Variants in PAPPA observed in about 807,000 individuals in gnomAD.
PAPPA encodes the protein pappalysin 1, also known as pappalysin-1.
Under a neutral mutation model 164.0 loss-of-function variants are expected in PAPPA, and 60 were observed. The observed-to-expected ratio is 0.37, with a 90% CI of 0.30 to 0.45. The LOEUF (loss-of-function observed/expected upper bound fraction) is 0.45. PAPPA is among the 20% of genes least tolerant of loss of function. The pLI, the probability that PAPPA is intolerant of heterozygous loss-of-function variation, is 1.00. For synonymous variants in PAPPA, 875 were observed against 814.1 expected (o/e 1.07, Z -1.27); for missense variants, 1,782 against 2,087.3 (o/e 0.85, Z 2.85).
intron 1 of PAPPA, among the ~76,000 whole-genome samples, chr9:116,167,383 T>A (rs1034992915): frequency 7.2e-5 from 11 of 152,226 alleles, no homozygotes; most frequent in Non-Finnish European, 2.9e-5. Context: ...TTTTATTAAG[T>A]ATTATATTTT....
At chr9:116,291,394 T>C (rs1845434012) in intron 9 of PAPPA, among the ~76,000 whole-genome samples, 1 of 152,194 alleles carries the variant, frequency 6.6e-6, no homozygotes, top group African/African-American at 2.4e-5. Context: ...CCCCCTAATA[T>C]GTGCTTGGAT....
At position 116,252,058 on chromosome 9, in the gene PAPPA, A is replaced by G. The variant is rs542789274; in HGVS notation, c.2733-13799A>G. 9.2e-5 allele frequency among the ~76,000 whole-genome samples: 14 copies of G among 152,352 alleles called. No individual in the cohort carries two copies. The South Asian group carries it at 2.9e-3, about 32-fold the overall frequency. ...GGTAAAAGATGATTAAAACAAAATA[A>G]CAAAGGCCTTGGCTGCAAACTGTTA... On this transcript the variant is annotated intron_variant, in intron 7 of 21. Coordinates refer to ENST00000328252, the MANE Select transcript of PAPPA (RefSeq NM_002581.5).
At chr9:116,365,664 C>G (rs1846492437) in intron 18 of PAPPA, among the ~76,000 whole-genome samples, 1 of 149,578 alleles carries the variant, frequency 6.7e-6, no homozygotes, top group Non-Finnish European at 1.5e-5. Flanking sequence ...CATCTTTGCT[C>G]CCTAAAAACT....
At chr9:116,334,503 C>CA (rs1230146466) in intron 12 of PAPPA, among the ~76,000 whole-genome samples, 1 of 152,044 alleles carries the variant, frequency 6.6e-6, no homozygotes, top group Non-Finnish European at 1.5e-5. Flanking sequence ...ACCAGGCAGG[C>CA]AGCCTGAAAC....
chr9:116,213,897 G>A (rs1031049738), intron 4 of PAPPA, among the ~76,000 whole-genome samples: 1 of 152,194 alleles, frequency 6.6e-6, no homozygotes, highest in African/African-American at 2.4e-5. Context: ...AATTCAAAAT[G>A]CAGAACAGGA....
chr9:116,286,288 C>A (rs41266653), intron 9 of PAPPA: 2 of 152,044 alleles, frequency 1.3e-5, no homozygotes, highest in Non-Finnish European at 2.9e-5. Flanking sequence ...ATTTGGATCA[C>A]CCCATAAGAC....
chr9:116,327,845 G>T (rs1416212625), intron 10 of PAPPA, among the ~76,000 whole-genome samples: 3 of 152,170 alleles, frequency 2.0e-5, no homozygotes. Flanking sequence ...AGTTCCCCAG[G>T]AACATAGATT....
intron 7 of PAPPA, among the ~76,000 whole-genome samples, chr9:116,235,969 A>G (rs1313775901): frequency 6.6e-6 from 1 of 152,222 alleles, no homozygotes; most frequent in East Asian, 1.9e-4. Context: ...ATTACTAATG[A>G]AAGTAGAAGA....
At chr9:116,157,174 G>C (rs1161037855) in intron 1 of PAPPA, among the ~76,000 whole-genome samples, 1 of 152,144 alleles carries the variant, frequency 6.6e-6, no homozygotes, top group Non-Finnish European at 1.5e-5. Context: ...GCTGTTAACC[G>C]GGTCTGTCGT....
At chr9:116,197,591 T>TG (rs1233784163) in intron 2 of PAPPA, among the ~76,000 whole-genome samples, 1 of 152,198 alleles carries the variant, frequency 6.6e-6, no homozygotes. Context: ...TGGCATATAA[T>TG]GTCATGCTTT....
At chr9:116,268,604 A>G (rs1845099458) in intron 8 of PAPPA, among the ~76,000 whole-genome samples, 1 of 152,150 alleles carries the variant, frequency 6.6e-6, no homozygotes, top group South Asian at 2.1e-4. Context: ...GGAAACAGAT[A>G]TAGATGAATT....
At chr9:116,248,969 T>A (rs770095914) in intron 7 of PAPPA, among the ~76,000 whole-genome samples, 14 of 152,298 alleles carry the variant, frequency 9.2e-5, no homozygotes, top group Non-Finnish European at 1.5e-4. Context: ...TCACTGCTCC[T>A]CTTGGGGCCT....
At chr9:116,282,892 A>C (rs1845284619) in intron 9 of PAPPA, among the ~76,000 whole-genome samples, 1 of 152,226 alleles carries the variant, frequency 6.6e-6, no homozygotes. Context: ...TAACAGAGGA[A>C]GAAACTAAAA....
At chr9:116,300,527 C>T (rs145001496) in intron 9 of PAPPA, among the ~76,000 whole-genome samples, 2 of 152,282 alleles carry the variant, frequency 1.3e-5, no homozygotes, top group East Asian at 1.9e-4. Flanking sequence ...TGCCTTGGCT[C>T]TCCCCAAAGT....
intron 1 of PAPPA, among the ~76,000 whole-genome samples, chr9:116,164,220 C>A (rs1321628047): frequency 6.6e-6 from 1 of 152,188 alleles, no homozygotes; most frequent in Non-Finnish European, 1.5e-5. Context: ...TATTTTCCTT[C>A]AGAGGATCCC....
intron 2 of PAPPA, among the ~76,000 whole-genome samples, chr9:116,204,582 T>G (rs55760822): frequency 0.055 from 8,352 of 151,944 alleles, 353 homozygotes; most frequent in South Asian, 0.096. Context: ...CCCAGCTAAA[T>G]TTTTTGAATT....
At chr9:116,334,167 T>G (rs150120101) in intron 12 of PAPPA, among the ~76,000 whole-genome samples, 21 of 151,500 alleles carry the variant, frequency 1.4e-4, no homozygotes, top group Admixed American at 1.1e-3. Flanking sequence ...CCTTTCCTTC[T>G]GTCCCTTGTG....
chr9:116,377,487 G>C (rs1474001605), intron 19 of PAPPA, 89 bp from the exon 20 acceptor site: 6 of 872,226 alleles, frequency 6.9e-6, no homozygotes, highest in Non-Finnish European at 1.1e-5. Flanking sequence ...GGTCCCAGAA[G>C]AGGTGAGGTG....
intron 19 of PAPPA, among the ~76,000 whole-genome samples, chr9:116,375,736 A>T (rs935162653): frequency 6.6e-6 from 1 of 152,132 alleles, no homozygotes; most frequent in East Asian, 1.9e-4. Context: ...TTTGGCTACC[A>T]TATAGGTCTG....
Sources: allele counts gnomAD v4.1 joint callset (sites outside exome capture counted in the v4.1 genomes callset), GRCh38; gene constraint gnomAD v4.1.1; transcripts MANE v1.5; gene names NCBI Gene and HGNC (gene_info 2026-07-23, HGNC 2026-07-21).